Variants in SUMF1 observed in about 807,000 individuals in gnomAD.
SUMF1 encodes formylglycine-generating enzyme.
In SUMF1, 48 loss-of-function variants were observed where a neutral mutation model predicts 47.6. The observed-to-expected ratio is 1.01, with a 90% CI of 0.80 to 1.28. The LOEUF (loss-of-function observed/expected upper bound fraction) is 1.28, where lower values mean the gene tolerates loss of function less well. SUMF1 is among the 50% of genes most tolerant of loss of function. The pLI, the probability that SUMF1 is intolerant of heterozygous loss-of-function variation, is 0.00. For missense variants in SUMF1, 571 were observed against 485.4 expected (o/e 1.18, Z -1.66); for synonymous variants, 230 against 192.1 (o/e 1.20, Z -1.63).
intron 8 of SUMF1, among the ~76,000 whole-genome samples, chr3:4,178,165 G>A (rs535802124): frequency 6.6e-6 from 1 of 152,184 alleles, no homozygotes; most frequent in East Asian, 1.9e-4. Context: ...AATAGAAAAA[G>A]AGGGAATCCT....
At position 4,194,218 on chromosome 3, in the gene SUMF1, C is replaced by T. The variant is rs571947112; in HGVS notation, c.1015-125473G>A. 7.2e-5 allele frequency among the ~76,000 whole-genome samples: 11 copies of T among 152,246 alleles called. No individual in the cohort carries two copies. In the East Asian group the frequency reaches 1.4e-3, roughly 19 times the overall value. ...TCTTTTATTTAGATTTAAATAGCCA[C>T]ATGAGACTAGATACTACCATATACT... On this transcript the variant is annotated intron_variant and NMD_transcript_variant, in intron 8 of 12. Coordinates refer to the SUMF1 transcript ENST00000448413.
intron 9 of SUMF1, among the ~76,000 whole-genome samples, chr3:4,038,652 T>C (rs1051495126): frequency 6.6e-6 from 1 of 152,100 alleles, no homozygotes; most frequent in Non-Finnish European, 1.5e-5. Context: ...CTACTCTCCA[T>C]ATGGTGATAG....
chr3:4,078,996 G>A (rs755448769), intron 8 of SUMF1, among the ~76,000 whole-genome samples: 1 of 152,150 alleles, frequency 6.6e-6, no homozygotes, highest in African/African-American at 2.4e-5. Context: ...ATGTTTTCTC[G>A]GGAAGCTCTC....
chr3:4,065,707 G>C (rs1177227864), intron 9 of SUMF1, among the ~76,000 whole-genome samples: 4 of 152,076 alleles, frequency 2.6e-5, no homozygotes, highest in African/African-American at 9.7e-5. Flanking sequence ...ATTGTACTGA[G>C]TGATTTGCAT....
At chr3:4,422,453 T>C (rs1476794751) in intron 3 of SUMF1, among the ~76,000 whole-genome samples, 3 of 151,882 alleles carry the variant, frequency 2.0e-5, no homozygotes, top group Admixed American at 6.6e-5. Flanking sequence ...TTTCTTCTCA[T>C]ACCCTTTTGT....
At chr3:4,246,677 G>T (rs1246693374) in intron 8 of SUMF1, among the ~76,000 whole-genome samples, 3 of 152,148 alleles carry the variant, frequency 2.0e-5, no homozygotes, top group African/African-American at 7.2e-5. Context: ...TGGGATTACA[G>T]GCGTGAGCTA....
chr3:4,188,456 C>A (rs1006870254), intron 8 of SUMF1, among the ~76,000 whole-genome samples: 1 of 152,120 alleles, frequency 6.6e-6, no homozygotes, highest in Non-Finnish European at 1.5e-5. Context: ...ACCTATTCAG[C>A]CCTAACTTAC....
intron 8 of SUMF1, among the ~76,000 whole-genome samples, chr3:4,231,180 G>A (rs1251832206): frequency 1.3e-5 from 2 of 152,112 alleles, no homozygotes; most frequent in Non-Finnish European, 2.9e-5. Context: ...AGGCACAATC[G>A]AGTTTTGAGA....
chr3:4,377,957 A>C (rs1025990907), intron 7 of SUMF1, among the ~76,000 whole-genome samples: 6 of 152,234 alleles, frequency 3.9e-5, no homozygotes, highest in Admixed American at 3.3e-4. Context: ...AGAAATTAAA[A>C]GAATCACGTT....
chr3:4,185,406 G>A (rs923394043), intron 8 of SUMF1, among the ~76,000 whole-genome samples: 2 of 152,120 alleles, frequency 1.3e-5, no homozygotes, highest in African/African-American at 2.4e-5. Flanking sequence ...CAACTAAGAT[G>A]TTGGTGAATT....
intron 9 of SUMF1, among the ~76,000 whole-genome samples, chr3:4,036,183 G>C (rs1385902862): frequency 1.3e-5 from 2 of 152,174 alleles, no homozygotes; most frequent in East Asian, 1.9e-4. Flanking sequence ...TTAGCACATA[G>C]TAATTGAGCT....
At chr3:4,106,601 T>C (rs1693163893) in intron 8 of SUMF1, among the ~76,000 whole-genome samples, 1 of 151,988 alleles carries the variant, frequency 6.6e-6, no homozygotes, top group Admixed American at 6.6e-5. Context: ...AAGTCACTAA[T>C]AAAGAAATAA....
chr3:4,093,003 G>T (rs752701012), intron 8 of SUMF1, among the ~76,000 whole-genome samples: 4 of 152,094 alleles, frequency 2.6e-5, no homozygotes, highest in Non-Finnish European at 4.4e-5. Flanking sequence ...AGATAGAAAT[G>T]ACTGAATACA....
chr3:4,340,952 T>C (rs1481735104), intron 8 of SUMF1, among the ~76,000 whole-genome samples: 1 of 152,214 alleles, frequency 6.6e-6, no homozygotes, highest in East Asian at 1.9e-4. Context: ...TTTTTTTCTT[T>C]TTTCTTCTTC....
At chr3:4,286,932 T>A (rs573173278) in intron 8 of SUMF1, among the ~76,000 whole-genome samples, 1 of 152,338 alleles carries the variant, frequency 6.6e-6, no homozygotes, top group African/African-American at 2.4e-5. Context: ...TCTATTGCAA[T>A]GTTCTCAAAG....
At chr3:4,304,006 T>TA in intron 8 of SUMF1, 1 of 414,578 alleles carries the variant, frequency 2.4e-6, no homozygotes, top group Non-Finnish European at 4.0e-6. Flanking sequence ...GGCTCAGCCT[T>TA]AGAGTCTTCC....
chr3:4,046,296 G>A (rs1695006740), intron 9 of SUMF1, among the ~76,000 whole-genome samples: 1 of 152,086 alleles, frequency 6.6e-6, no homozygotes, highest in Non-Finnish European at 1.5e-5. Flanking sequence ...GAATCAAGTG[G>A]CCAGTGGTGC....
At chr3:4,259,334 C>A (rs568256770) in intron 8 of SUMF1, among the ~76,000 whole-genome samples, 1 of 152,054 alleles carries the variant, frequency 6.6e-6, no homozygotes, top group Non-Finnish European at 1.5e-5. Context: ...ACTTTCATGG[C>A]TATTGCAATT....
intron 8 of SUMF1, among the ~76,000 whole-genome samples, chr3:4,337,223 T>TTCCTTCCTTACTTCCTTCCC (rs1699173016): frequency 1.4e-4 from 1 of 6,998 alleles, no homozygotes; most frequent in Non-Finnish European, 2.0e-4. Context: ...TCTTCCTTCC[T>TTCCTTCCTTACTTCCTTCCC]TCCTTCCTTA....
Sources: allele counts gnomAD v4.1 joint callset (sites outside exome capture counted in the v4.1 genomes callset), GRCh38; gene constraint gnomAD v4.1.1; transcripts MANE v1.5; gene names NCBI Gene and HGNC (gene_info 2026-07-23, HGNC 2026-07-21).